Variants in NOL4 observed in about 807,000 individuals in gnomAD.
NOL4 encodes nucleolar protein 4.
A neutral mutation model predicts 75.9 loss-of-function variants in NOL4; 17 were observed. The observed-to-expected ratio is 0.22, with a 90% CI of 0.15 to 0.34. The LOEUF is 0.34. NOL4 is among the 10% of genes least tolerant of loss of function. NOL4 has a pLI of 1.00. For missense variants in NOL4, 614 were observed against 793.5 expected (o/e 0.77, Z 2.72); for synonymous variants, 292 against 289.9 (o/e 1.01, Z -0.07).
intron 4 of NOL4, among the ~76,000 whole-genome samples, chr18:34,094,399 G>A (rs2078672472): frequency 6.6e-6 from 1 of 151,956 alleles, no homozygotes; most frequent in Non-Finnish European, 1.5e-5. Context: ...TAAATTGCAC[G>A]GCAACCACAA....
chr18:33,944,305 G>C (rs1174066299), intron 8 of NOL4, among the ~76,000 whole-genome samples: 1 of 151,810 alleles, frequency 6.6e-6, no homozygotes, highest in African/African-American at 2.4e-5. Context: ...ACCAACTCTG[G>C]CATGTAGAGT....
chr18:34,171,342 C>T (rs1258411896), intron 1 of NOL4, among the ~76,000 whole-genome samples: 1 of 152,062 alleles, frequency 6.6e-6, no homozygotes, highest in Non-Finnish European at 1.5e-5. Context: ...AGGTAGTACA[C>T]TTTGTATAAC....
At chr18:34,092,250 A>G (rs1297870049) in intron 5 of NOL4, among the ~76,000 whole-genome samples, 1 of 152,150 alleles carries the variant, frequency 6.6e-6, no homozygotes, top group Non-Finnish European at 1.5e-5. Flanking sequence ...GAGAAAATTT[A>G]TATCTAAATC....
chr18:34,047,218 C>CCCAA (rs2076419628), intron 5 of NOL4, among the ~76,000 whole-genome samples: 1 of 152,054 alleles, frequency 6.6e-6, no homozygotes, highest in Non-Finnish European at 1.5e-5. Flanking sequence ...TGCAGCAACA[C>CCCAA]CCAAGTCTGT....
At chr18:33,900,470 C>A (rs938712912) in intron 9 of NOL4, among the ~76,000 whole-genome samples, 9 of 152,110 alleles carry the variant, frequency 5.9e-5, no homozygotes, top group Admixed American at 1.3e-4. Flanking sequence ...TTGAATTTCC[C>A]ATTATTAAGC....
chr18:34,068,377 C>T (rs375787858), intron 5 of NOL4, among the ~76,000 whole-genome samples: 5 of 152,026 alleles, frequency 3.3e-5, no homozygotes, highest in Non-Finnish European at 5.9e-5. Flanking sequence ...TTGCTTATTT[C>T]TTTTTTTAAA....
At chr18:34,164,642 G>A (rs1444933059) in intron 1 of NOL4, among the ~76,000 whole-genome samples, 5 of 152,028 alleles carry the variant, frequency 3.3e-5, no homozygotes, top group African/African-American at 1.2e-4. Flanking sequence ...CACTGTTGGT[G>A]GGACTGTAAA....
At chr18:34,090,875 G>C (rs1056212116) in intron 5 of NOL4, among the ~76,000 whole-genome samples, 2 of 152,112 alleles carry the variant, frequency 1.3e-5, no homozygotes, top group African/African-American at 2.4e-5. Context: ...GTCTTTTGCA[G>C]GGGTGGTGCA....
intron 8 of NOL4, among the ~76,000 whole-genome samples, chr18:33,950,172 A>C (rs1334390337): frequency 1.3e-5 from 2 of 151,754 alleles, no homozygotes; most frequent in Non-Finnish European, 1.5e-5. Context: ...ATAGATTTAA[A>C]TTTTTTTAAT....
chr18:34,070,982 GTC>G (rs1262582694), intron 5 of NOL4, among the ~76,000 whole-genome samples: 1 of 152,044 alleles, frequency 6.6e-6, no homozygotes, highest in African/African-American at 2.4e-5. Flanking sequence ...AAATGGTGTG[GTC>G]AATGGGTACA....
intron 6 of NOL4, among the ~76,000 whole-genome samples, chr18:33,958,912 A>C (rs192681739): frequency 8.5e-5 from 13 of 152,282 alleles, no homozygotes; most frequent in Non-Finnish European, 2.9e-5. Flanking sequence ...ATGGAAACTG[A>C]GGGATGTTCA....
chr18:34,159,087 C>A, intron 1 of NOL4, among the ~76,000 whole-genome samples: 1 of 152,282 alleles, frequency 6.6e-6, no homozygotes, highest in East Asian at 1.9e-4. Context: ...ACTTCAGCGG[C>A]GGCGGCTGGA....
intron 1 of NOL4, among the ~76,000 whole-genome samples, chr18:34,132,952 A>G (rs1482469564): frequency 6.6e-6 from 1 of 152,138 alleles, no homozygotes; most frequent in Non-Finnish European, 1.5e-5. Flanking sequence ...GGAATCTTAT[A>G]GCCAGAGAAA....
intron 9 of NOL4, among the ~76,000 whole-genome samples, chr18:33,887,034 T>C (rs1000181938): frequency 5.7e-5 from 8 of 140,632 alleles, no homozygotes. Flanking sequence ...TATCTAGATA[T>C]ATTATATCTA....
At chr18:34,033,608 T>C (rs1431895269) in intron 5 of NOL4, among the ~76,000 whole-genome samples, 2 of 151,788 alleles carry the variant, frequency 1.3e-5, no homozygotes, top group Non-Finnish European at 2.9e-5. Flanking sequence ...AAAGAGAAAA[T>C]TGAAGCATTC....
At chr18:34,130,285 A>G (rs181011731) in intron 1 of NOL4, among the ~76,000 whole-genome samples, 2 of 152,192 alleles carry the variant, frequency 1.3e-5, no homozygotes, top group Admixed American at 1.3e-4. Context: ...AGTTTTTATA[A>G]TGACTTATTT....
In NOL4 at chr18:33,867,483, G is replaced by T. The variant is rs572902550; in HGVS notation, c.1724-14448C>A. Among the ~76,000 whole-genome samples the T allele has an allele frequency of 2.6e-5, 4 of 152,124 alleles. No individual in the cohort carries two copies. In the South Asian group the frequency reaches 8.3e-4, roughly 32 times the overall value. On this transcript the variant is annotated intron_variant, in intron 10 of 10. Coordinates refer to ENST00000261592, the MANE Select transcript of NOL4 (RefSeq NM_003787.5). ...AAAAATTGCGGCCTATTGATTTTCT[G>T]TTCCCTTAAAAGTGAAATAAAATAA... is the stretch of plus-strand genomic sequence containing the variant.
At chr18:34,000,545 G>A (rs1019056493) in intron 6 of NOL4, among the ~76,000 whole-genome samples, 2 of 151,946 alleles carry the variant, frequency 1.3e-5, no homozygotes, top group African/African-American at 2.4e-5. Flanking sequence ...AAATTCTTGC[G>A]GAACATATCA....
At chr18:34,149,535 T>A (rs1411573308) in intron 1 of NOL4, among the ~76,000 whole-genome samples, 2 of 151,628 alleles carry the variant, frequency 1.3e-5, no homozygotes, top group African/African-American at 4.8e-5. Flanking sequence ...ATAGCTATGA[T>A]AGTGTTTTAA....
Sources: allele counts gnomAD v4.1 joint callset (sites outside exome capture counted in the v4.1 genomes callset), GRCh38; gene constraint gnomAD v4.1.1; transcripts MANE v1.5; gene names NCBI Gene and HGNC (gene_info 2026-07-23, HGNC 2026-07-21).